MACROH2A2: variants seen among roughly 807,000 people sequenced by gnomAD.
The protein encoded by MACROH2A2 is macroH2A.2 histone.
In MACROH2A2, 6 loss-of-function variants were observed where a neutral mutation model predicts 37.6. That is an observed-to-expected ratio of 0.16 (90% CI 0.09 to 0.32). The LOEUF (loss-of-function observed/expected upper bound fraction) is 0.32. MACROH2A2 is among the 10% of genes least tolerant of loss of function. The probability of loss-of-function intolerance (pLI) is 1.00; values close to 1 mark genes in which losing one functional copy is unlikely to be tolerated. For missense variants in MACROH2A2, 290 were observed against 485.9 expected, an observed-to-expected ratio of 0.60 and a Z score of 3.79; for synonymous variants, 192 against 202.7, an observed-to-expected ratio of 0.95 and a Z score of 0.45.
intron 7 of MACROH2A2, 57 bp from the exon 8 acceptor site, chr10:70,108,976 C>G: frequency 1.3e-6 from 2 of 1,494,142 alleles, no homozygotes; most frequent in South Asian, 2.3e-5. Context: ...TGAGGTTAGG[C>G]TATAACCTAG....
At chr10:70,062,287 G>A (rs1363787625) in intron 1 of MACROH2A2, among the ~76,000 whole-genome samples, 8 of 152,062 alleles carry the variant, frequency 5.3e-5, no homozygotes, top group Admixed American at 4.6e-4. Flanking sequence ...ATGCTTCATT[G>A]CAGTGTCTCC....
chr10:70,103,666 T>G (rs1004423427), intron 7 of MACROH2A2, among the ~76,000 whole-genome samples: 5 of 152,106 alleles, frequency 3.3e-5, no homozygotes, highest in Non-Finnish European at 7.3e-5. Context: ...CCTGGAGTGT[T>G]GTGGTAAAGC....
intron 1 of MACROH2A2, among the ~76,000 whole-genome samples, chr10:70,073,035 C>T (rs570889703): frequency 3.9e-5 from 6 of 152,258 alleles, no homozygotes; most frequent in South Asian, 4.1e-4. Context: ...ACAGGACCAC[C>T]GTCATATGCG....
chr10:70,075,497 C>A lies in MACROH2A2; in HGVS notation c.-59-103C>A. The A allele has an allele frequency of 1.5e-6, 1 of 666,706 alleles. No individual in the cohort carries two copies. The highest frequency in any genetic ancestry group is 2.6e-6 in the Non-Finnish European group (1 of 383,936). The allele number at this position is 666,706 out of a possible 1,614,324, so 41.3% of individuals were successfully genotyped here. On this transcript the variant is annotated intron_variant, in intron 1 of 8. Coordinates refer to ENST00000373255, the MANE Select transcript of MACROH2A2 (RefSeq NM_018649.3). The surrounding 1 kb of genome is among the most constrained non-coding windows in gnomAD (Gnocchi z 5.0). ...TAGCAGCCAGATTTCAGCTGCCTCC[C>A]CAGGGCAGTCAGAGGTGTCACAGTG... is the stretch of plus-strand genomic sequence containing the variant.
chr10:70,060,168 G>A (rs2072042544), intron 1 of MACROH2A2, among the ~76,000 whole-genome samples: 1 of 152,000 alleles, frequency 6.6e-6, no homozygotes, highest in Non-Finnish European at 1.5e-5. Context: ...TCAGGAGTTG[G>A]AGACCAGTCT....
chr10:70,099,190 G>T (rs1479819439), intron 6 of MACROH2A2: 2 of 152,230 alleles, frequency 1.3e-5, no homozygotes, highest in East Asian at 3.9e-4. Context: ...GGAAACCCAA[G>T]AACATTAACA....
At chr10:70,083,238 C>T (rs1380819587) in intron 2 of MACROH2A2, among the ~76,000 whole-genome samples, 1 of 152,198 alleles carries the variant, frequency 6.6e-6, no homozygotes, top group Non-Finnish European at 1.5e-5. Context: ...GATGCAGACA[C>T]TGCAGTATGC....
rs1485481355 is a variant in MACROH2A2 at position 70,053,779 on chromosome 10, C to T, written c.-60+779C>T. Among the ~76,000 whole-genome samples the T allele has an allele frequency of 6.6e-6, 1 of 151,982 alleles. No homozygotes were observed. The highest frequency in any genetic ancestry group is 1.5e-5 in the Non-Finnish European group (1 of 67,972). On this transcript the variant is annotated intron_variant, in intron 1 of 8. Transcript: ENST00000373255. The surrounding 1 kb of genome is among the most constrained non-coding windows in gnomAD (Gnocchi z 4.8). ...GCGCTTTCACCGGGAAATGGCGGCC[C>T]GGCCGTGGCTCGCCTGGGCAGTCTG... is the stretch of plus-strand genomic sequence containing the variant.
chr10:70,075,654 G>A lies in MACROH2A2; in HGVS notation c.-5G>A, dbSNP rs2072135203. 1 of 1,613,928 alleles carries A rather than the reference G, an allele frequency of 6.2e-7. No homozygotes were observed. Among genetic ancestry groups the A allele is most frequent in the Admixed American group, 1.7e-5 (1 of 60,032 alleles). ...TCAGCAAGCTGAGAGGGAAACTGAAGCAAGATGTCGGGCCGGAGTGGGAAG... is the reference window on the plus strand; with the variant it reads ...TCAGCAAGCTGAGAGGGAAACTGAAACAAGATGTCGGGCCGGAGTGGGAAG... On this transcript the variant is annotated 5_prime_UTR_variant, in exon 2 of 9. Transcript: ENST00000373255. This position sits in a 1 kb window ranked among gnomAD's most constrained non-coding sequence, Gnocchi z 5.0.
At position 70,076,598 on chromosome 10, in the gene MACROH2A2, A is replaced by G. The variant is rs977055580; in HGVS notation, c.172+768A>G. Among the ~76,000 whole-genome samples the G allele has an allele frequency of 1.2e-4, 19 of 152,168 alleles. No individual in the cohort carries two copies. The South Asian group carries it at 1.9e-3, about 15-fold the overall frequency. The stretch of plus-strand genomic sequence containing the variant: ...AAATAAAATATATAAATATATATGT[A>G]CAATAAGTATGATTTAGTCCCTTGT... On this transcript the variant is annotated intron_variant, in intron 2 of 8. Coordinates refer to ENST00000373255, the MANE Select transcript of MACROH2A2 (RefSeq NM_018649.3).
At chr10:70,078,506 G>A (rs563032496) in intron 2 of MACROH2A2, among the ~76,000 whole-genome samples, 20 of 152,292 alleles carry the variant, frequency 1.3e-4, no homozygotes, top group Admixed American at 7.2e-4. Flanking sequence ...CTCAGATGTC[G>A]GTTCCAATCG....
chr10:70,057,907 T>TG (rs1422282220), intron 1 of MACROH2A2, among the ~76,000 whole-genome samples: 1 of 152,154 alleles, frequency 6.6e-6, no homozygotes, highest in South Asian at 2.1e-4. Flanking sequence ...AACGAAATGG[T>TG]GGGGGGATGG....
At chr10:70,068,650 C>A (rs903025904) in intron 1 of MACROH2A2, among the ~76,000 whole-genome samples, 1 of 152,204 alleles carries the variant, frequency 6.6e-6, no homozygotes, top group Non-Finnish European at 1.5e-5. Context: ...AAAATGGCAT[C>A]ATCTAAAGGA....
chr10:70,053,134 C>T lies in MACROH2A2; in HGVS notation c.-60+134C>T, dbSNP rs1486094159. 2 of 152,286 alleles carry T rather than the reference C, an allele frequency of 1.3e-5. No homozygotes were observed. The highest frequency in any genetic ancestry group is 2.9e-5 in the Non-Finnish European group (2 of 68,088). 9.4% of individuals were successfully genotyped at this position (152,286 alleles called of 1,614,324 possible). ...CCCCGAGCCCCTGCGGGCGCACCCT[C>T]GATAGCCGACCCACCCTCTGCAAAA... On this transcript the variant is annotated intron_variant, in intron 1 of 8. Transcript: ENST00000373255. The surrounding 1 kb of genome is among the most constrained non-coding windows in gnomAD (Gnocchi z 4.8).
chr10:70,080,496 G>A (rs1465323063), intron 2 of MACROH2A2, among the ~76,000 whole-genome samples: 1 of 152,072 alleles, frequency 6.6e-6, no homozygotes, highest in African/African-American at 2.4e-5. Context: ...AACACTTTGG[G>A]AGGCCAAAGT....
intron 2 of MACROH2A2, among the ~76,000 whole-genome samples, chr10:70,088,630 A>G (rs890168240): frequency 2.0e-5 from 3 of 152,230 alleles, no homozygotes; most frequent in Non-Finnish European, 4.4e-5. Context: ...GCCATGCTAA[A>G]GTTTTGGGAA....
At position 70,107,385 on chromosome 10, in the gene MACROH2A2, A is replaced by G. The variant is rs1469654530; in HGVS notation, c.779-1648A>G. 6.6e-6 allele frequency among the ~76,000 whole-genome samples: 1 copy of G among 152,228 alleles called. No homozygotes were observed. The highest frequency in any genetic ancestry group is 6.5e-5 in the Admixed American group (1 of 15,286). On this transcript the variant is annotated intron_variant, in intron 7 of 8. Coordinates refer to ENST00000373255, the MANE Select transcript of MACROH2A2 (RefSeq NM_018649.3). This position sits in a 1 kb window ranked among gnomAD's most constrained non-coding sequence, Gnocchi z 4.4. Reference sequence around the variant, plus strand: ...CCTCAACCCCACACACAGCTCTGGAATACGGCGGACACACGTTTCTGTTAC... The same window carrying G: ...CCTCAACCCCACACACAGCTCTGGAGTACGGCGGACACACGTTTCTGTTAC...
At chr10:70,092,333 C>T (rs1181218848) in intron 4 of MACROH2A2, among the ~76,000 whole-genome samples, 3 of 151,980 alleles carry the variant, frequency 2.0e-5, no homozygotes, top group Non-Finnish European at 4.4e-5. Context: ...TTTGGGAGGC[C>T]GAGGCAGGAG....
At chr10:70,093,693 T>C (rs962567845) in intron 4 of MACROH2A2, 42 bp from the exon 5 acceptor site, 1 of 1,108,458 alleles carries the variant, frequency 9.0e-7, no homozygotes, top group African/African-American at 1.5e-5. Context: ...TCAGGCTTTT[T>C]CTGGATTGGT....
Sources: gnomAD v4.1 joint callset for allele counts (sites outside exome capture counted in the v4.1 genomes callset) on GRCh38, gnomAD v4.1.1 for gene constraint, Gnocchi (gnomAD v3.1) non-coding constraint, MANE v1.5 for transcripts, NCBI Gene and HGNC (gene_info 2026-07-23, HGNC 2026-07-21) for gene names.